The following RSU1 variants were observed in gnomAD, a reference collection of about 807,000 sequenced individuals.
RSU1 encodes Ras suppressor protein 1.
A neutral mutation model predicts 31.1 loss-of-function variants in RSU1; 26 were observed. The ratio of observed to expected loss-of-function variants is 0.84; its 90% CI spans 0.61 to 1.16. RSU1 has a LOEUF of 1.16. Ranked by LOEUF, RSU1 falls within the 50% of genes most tolerant of loss-of-function variation. RSU1 has a pLI of 0.00. For synonymous variants in RSU1, 164 were observed against 136.3 expected, an observed-to-expected ratio of 1.20 and a Z score of -1.41; for missense variants, 320 against 339.1, an observed-to-expected ratio of 0.94 and a Z score of 0.44.
At chr10:16,727,996 C>T (rs190551257) in intron 7 of RSU1, among the ~76,000 whole-genome samples, 9 of 152,266 alleles carry the variant, frequency 5.9e-5, no homozygotes, top group African/African-American at 9.6e-5. Flanking sequence ...TCTGGCATCT[C>T]GGAGAGAGAA....
At chr10:16,811,238 A>G (rs1838401719) in intron 2 of RSU1, among the ~76,000 whole-genome samples, 1 of 152,222 alleles carries the variant, frequency 6.6e-6, no homozygotes, top group Non-Finnish European at 1.5e-5. Flanking sequence ...CCAGGTGTGT[A>G]GTAGGCTACA....
intron 7 of RSU1, among the ~76,000 whole-genome samples, chr10:16,738,810 T>C (rs1836690268): frequency 6.6e-6 from 1 of 152,152 alleles, no homozygotes; most frequent in Admixed American, 6.5e-5. Flanking sequence ...TCAACTAGGT[T>C]TTCAGCCGCA....
chr10:16,639,998 G>A (rs994689048), intron 8 of RSU1, among the ~76,000 whole-genome samples: 1 of 152,110 alleles, frequency 6.6e-6, no homozygotes, highest in African/African-American at 2.4e-5. Context: ...TCATATTAAT[G>A]GGAACCGATC....
intron 4 of RSU1, among the ~76,000 whole-genome samples, chr10:16,756,276 T>C (rs551364534): frequency 1.3e-4 from 20 of 152,312 alleles, no homozygotes; most frequent in Admixed American, 9.8e-4. Context: ...ACAATGTGAA[T>C]ACGCTTAACA....
intron 8 of RSU1, among the ~76,000 whole-genome samples, chr10:16,687,876 T>C (rs185324682): frequency 1.5e-3 from 226 of 152,198 alleles, no homozygotes; most frequent in Middle Eastern, 3.4e-3. Flanking sequence ...TGTGCCACCA[T>C]GCCCGGCTAA....
At chr10:16,629,279 G>A (rs780625934) in intron 8 of RSU1, among the ~76,000 whole-genome samples, 6 of 151,870 alleles carry the variant, frequency 4.0e-5, no homozygotes, top group Non-Finnish European at 8.8e-5. Context: ...CCCTACTTGA[G>A]TATCAGATGT....
At chr10:16,605,029 G>A (rs1833779138) in intron 8 of RSU1, among the ~76,000 whole-genome samples, 4 of 152,316 alleles carry the variant, frequency 2.6e-5, no homozygotes, top group East Asian at 3.9e-4. Flanking sequence ...AGTGAGGGAC[G>A]GAGAGAGACT....
At chr10:16,755,106 C>G in intron 4 of RSU1, 117 bp from the exon 5 acceptor site, 2 of 558,898 alleles carry the variant, frequency 3.6e-6, no homozygotes, top group Non-Finnish European at 6.4e-6. Context: ...ATCCTAGAGT[C>G]ACTTTATACT....
chr10:16,619,703 G>T (rs1440221327), intron 8 of RSU1, among the ~76,000 whole-genome samples: 1 of 152,166 alleles, frequency 6.6e-6, no homozygotes, highest in East Asian at 1.9e-4. Context: ...TCATTTCTTA[G>T]CTAGAGTTAC....
At chr10:16,815,177 G>A (rs978108670) in intron 2 of RSU1, among the ~76,000 whole-genome samples, 1 of 152,238 alleles carries the variant, frequency 6.6e-6, no homozygotes, top group East Asian at 1.9e-4. Context: ...AGAGGCATCT[G>A]CTCAGTTGCT....
At chr10:16,598,874 C>T (rs1257636550) in intron 8 of RSU1, among the ~76,000 whole-genome samples, 1 of 152,114 alleles carries the variant, frequency 6.6e-6, no homozygotes, top group Non-Finnish European at 1.5e-5. Flanking sequence ...GTGGCCTGTC[C>T]GTGAGGATTC....
chr10:16,683,629 G>A (rs1310870706), intron 8 of RSU1, among the ~76,000 whole-genome samples: 5 of 152,170 alleles, frequency 3.3e-5, no homozygotes, highest in Admixed American at 6.5e-5. Context: ...CTAACAAAAA[G>A]AGGAGAAACT....
chr10:16,755,996 A>G (rs1215409334), intron 4 of RSU1, among the ~76,000 whole-genome samples: 2 of 152,234 alleles, frequency 1.3e-5, no homozygotes, highest in African/African-American at 4.8e-5. Context: ...TTTCCTTGTA[A>G]AGAACAACTT....
chr10:16,705,518 C>T (rs1449492709), intron 7 of RSU1, among the ~76,000 whole-genome samples: 1 of 151,984 alleles, frequency 6.6e-6, no homozygotes, highest in African/African-American at 2.4e-5. Flanking sequence ...GAGACAGAGT[C>T]TCGCTCTGTC....
intron 7 of RSU1, among the ~76,000 whole-genome samples, chr10:16,703,231 A>C (rs1835830482): frequency 6.6e-6 from 1 of 152,162 alleles, no homozygotes; most frequent in Non-Finnish European, 1.5e-5. Context: ...TGTTCTTTAT[A>C]AATTACCCAG....
chr10:16,629,845 A>G (rs1277254746), intron 8 of RSU1, among the ~76,000 whole-genome samples: 3 of 152,306 alleles, frequency 2.0e-5, no homozygotes, highest in Non-Finnish European at 2.9e-5. Flanking sequence ...CACTAAGGGG[A>G]AATTTCTGTG....
chr10:16,671,018 G>A (rs544401472), intron 8 of RSU1, among the ~76,000 whole-genome samples: 14 of 152,150 alleles, frequency 9.2e-5, no homozygotes, highest in South Asian at 8.3e-4. Flanking sequence ...CACCTGCCTC[G>A]GCTTCCCAAA....
chr10:16,604,650 AC>A (rs1021215614), intron 8 of RSU1, among the ~76,000 whole-genome samples: 2 of 151,860 alleles, frequency 1.3e-5, no homozygotes, highest in Non-Finnish European at 2.9e-5. Flanking sequence ...GACAGGCGCT[AC>A]CCCCATTCCC....
At chr10:16,619,067 T>G (rs1834027556) in intron 8 of RSU1, among the ~76,000 whole-genome samples, 1 of 152,184 alleles carries the variant, frequency 6.6e-6, no homozygotes, top group African/African-American at 2.4e-5. Context: ...ACTTAGCACC[T>G]CATTGAGAAT....
Sources: allele counts gnomAD v4.1 joint callset (sites outside exome capture counted in the v4.1 genomes callset), GRCh38; gene constraint gnomAD v4.1.1; transcripts MANE v1.5; gene names NCBI Gene and HGNC (gene_info 2026-07-23, HGNC 2026-07-21).